Variants in PRKN observed in about 807,000 individuals in gnomAD.
The protein encoded by PRKN is parkin RBR E3 ubiquitin protein ligase.
PRKN carries 56 observed loss-of-function variants against 59.5 expected under a neutral mutation model. That is an observed-to-expected ratio of 0.94 (90% confidence interval 0.76 to 1.18). The LOEUF (loss-of-function observed/expected upper bound fraction) is 1.18. Among genes scored for constraint, PRKN ranks in the 50% most tolerant of loss-of-function variants. PRKN has a pLI of 0.00. For synonymous variants in PRKN, 250 were observed against 222.1 expected, an observed-to-expected ratio of 1.13 and a Z score of -1.12; for missense variants, 657 against 596.4, an observed-to-expected ratio of 1.10 and a Z score of -1.06.
At chr6:162,579,684 C>A (rs73035021) in intron 1 of PRKN, among the ~76,000 whole-genome samples, 15,536 of 151,670 alleles carry the variant, frequency 0.1, 927 homozygotes, top group Middle Eastern at 0.19. Flanking sequence ...CAGATTCACA[C>A]ACACATACAT....
At position 161,560,104 on chromosome 6, in the gene PRKN, A is replaced by G. The variant is rs569422485; in HGVS notation, c.933+9251T>C. Among the ~76,000 whole-genome samples, 16 of 152,184 alleles carry G rather than the reference A, an allele frequency of 1.1e-4. No individual in the cohort carries two copies. In the South Asian group the frequency reaches 1.9e-3, roughly 18 times the overall value. Reference sequence around the variant, plus strand: ...TTATCACCCAAACTGTCAGTCCCATATGGGTCCATACGTTTCCTAATATCA... The same window carrying G: ...TTATCACCCAAACTGTCAGTCCCATGTGGGTCCATACGTTTCCTAATATCA... On this transcript the variant is annotated intron_variant, in intron 8 of 11. Transcript: ENST00000366898. The surrounding 1 kb of genome is among the most constrained non-coding windows in gnomAD (Gnocchi z 4.9).
Position 162,397,011 on chromosome 6 carries a change from G to A in PRKN, c.171+46299C>T, listed in dbSNP as rs114585718. ...GTTTAGTTCCCATGGCCATAGTGGT[G>A]TTGGAGATAGTATGCAACCGAGGAC... On this transcript the variant is annotated intron_variant, in intron 2 of 11. Transcript: ENST00000366898. Among the ~76,000 whole-genome samples, 642 of 152,242 alleles carry A rather than the reference G, an allele frequency of 4.2e-3. 7 individuals carry two copies. The highest frequency in any genetic ancestry group is 0.014 in the African/African-American group (601 of 41,550).
chr6:161,885,429 C>G (rs941941159), intron 6 of PRKN, among the ~76,000 whole-genome samples: 18 of 152,168 alleles, frequency 1.2e-4, no homozygotes, highest in African/African-American at 2.4e-4. Flanking sequence ...CTTTGGGAGG[C>G]CGAGGCGGGC....
rs2128100024 is a variant in PRKN at position 162,262,564 on chromosome 6, T to C, written c.373A>G (p.Thr125Ala). 5 of 1,613,192 alleles carry C rather than the reference T, an allele frequency of 3.1e-6. No individual in the cohort carries two copies. Among genetic ancestry groups the C allele is most frequent in the Middle Eastern group, 3.3e-4 (2 of 6,062 alleles). ...DSVGLAVILH[T>A]DSRKDSPPAG... ...GGTGGTGAGTCCTTCCTGCTGTCAG[T>C]GTGCAGAATGACAGCCAGCCCCACA... Residue 125 changes from threonine (T) to alanine (A), a missense_variant, in exon 3 of 12, where the codon ACT becomes GCT. Transcript: ENST00000366898.
At chr6:162,385,693 G>C (rs1397068149) in intron 2 of PRKN, among the ~76,000 whole-genome samples, 3 of 152,040 alleles carry the variant, frequency 2.0e-5, no homozygotes, top group African/African-American at 7.2e-5. Flanking sequence ...AGACACGATG[G>C]AGTGGGAGGG....
chr6:161,818,850 G>C (rs1791900615), intron 6 of PRKN, among the ~76,000 whole-genome samples: 1 of 152,124 alleles, frequency 6.6e-6, no homozygotes, highest in Admixed American at 6.5e-5. Context: ...CTTTGAATGT[G>C]GGGTAAGATA....
intron 6 of PRKN, among the ~76,000 whole-genome samples, chr6:161,843,789 C>T (rs1001571628): frequency 6.6e-6 from 1 of 152,168 alleles, no homozygotes; most frequent in African/African-American, 2.4e-5. Flanking sequence ...GCCTCCATCT[C>T]TAAATAAATT....
At chr6:162,061,561 C>T (rs986765153) in intron 4 of PRKN, among the ~76,000 whole-genome samples, 1 of 152,136 alleles carries the variant, frequency 6.6e-6, no homozygotes, top group East Asian at 1.9e-4. Flanking sequence ...AAGCATGTAT[C>T]GCCCTCTGTC....
At chr6:161,366,918 T>A (rs1369873562) in intron 10 of PRKN, among the ~76,000 whole-genome samples, 2 of 152,130 alleles carry the variant, frequency 1.3e-5, no homozygotes, top group Non-Finnish European at 2.9e-5. Flanking sequence ...TTTGTTTTTT[T>A]TCTTGCTCAA....
chr6:161,770,524 A>G (rs567660554), intron 7 of PRKN, among the ~76,000 whole-genome samples: 26 of 151,970 alleles, frequency 1.7e-4, no homozygotes, highest in African/African-American at 5.8e-4. Context: ...CTGGAGTGCA[A>G]TGGTGCCGTC....
chr6:162,150,793 A>C (rs1782237832), intron 4 of PRKN, among the ~76,000 whole-genome samples: 1 of 152,176 alleles, frequency 6.6e-6, no homozygotes, highest in Non-Finnish European at 1.5e-5. Flanking sequence ...TGACACAGAC[A>C]GGAAATTGGA....
intron 4 of PRKN, among the ~76,000 whole-genome samples, chr6:162,161,978 T>C (rs1782776712): frequency 6.6e-6 from 1 of 152,198 alleles, no homozygotes; most frequent in African/African-American, 2.4e-5. Context: ...GTTTGTGCTC[T>C]GTATCCACAG....
At position 162,271,672 on chromosome 6, in the gene PRKN, A is replaced by G. The variant is rs569829357; in HGVS notation, c.172-8907T>C. Among the ~76,000 whole-genome samples the G allele has an allele frequency of 3.7e-4, 56 of 152,326 alleles. No individual in the cohort carries two copies. In the South Asian group the frequency reaches 0.011, roughly 30 times the overall value. On this transcript the variant is annotated intron_variant, in intron 2 of 11. Coordinates refer to ENST00000366898, the MANE Select transcript of PRKN (RefSeq NM_004562.3). ...GAGCCAGAGATGTTCACAGTAAGTC[A>G]GAATAATCAAAAAGGGAATTGTTCC...
intron 3 of PRKN, among the ~76,000 whole-genome samples, chr6:162,222,883 G>T (rs1005472169): frequency 6.6e-6 from 1 of 151,150 alleles, no homozygotes; most frequent in Non-Finnish European, 1.5e-5. Flanking sequence ...TAAGTTTTAG[G>T]GTACATGTGC....
At chr6:161,805,404 G>C (rs1791265919) in intron 6 of PRKN, among the ~76,000 whole-genome samples, 1 of 151,856 alleles carries the variant, frequency 6.6e-6, no homozygotes, top group Non-Finnish European at 1.5e-5. Flanking sequence ...ATGCCATCGA[G>C]GTCCCGCTAG....
intron 6 of PRKN, among the ~76,000 whole-genome samples, chr6:161,834,850 T>G (rs1436922246): frequency 1.3e-5 from 2 of 152,236 alleles, no homozygotes; most frequent in African/African-American, 4.8e-5. Flanking sequence ...TGCCTTGTTG[T>G]ACCATTGCCT....
rs1790364063 is a variant in PRKN at position 161,785,179 on chromosome 6, T to C, written c.871+593A>G. On this transcript the variant is annotated intron_variant, in intron 7 of 11. Transcript: ENST00000366898. ...TGAAGCCAGGCAGAGGTAGTGGTTG[T>C]GCAACATTGTGAATGCACAAAATGC... Among the ~76,000 whole-genome samples, 3 of 152,218 alleles carry C rather than the reference T, an allele frequency of 2.0e-5. No homozygotes were observed. In the South Asian group the frequency reaches 6.2e-4, roughly 31 times the overall value.
chr6:162,477,774 G>A (rs1792094960), intron 1 of PRKN, among the ~76,000 whole-genome samples: 1 of 152,142 alleles, frequency 6.6e-6, no homozygotes, highest in African/African-American at 2.4e-5. Context: ...ATAACTGCAT[G>A]TTCTCTGGGA....
chr6:162,368,425 C>T (rs938351939), intron 2 of PRKN, among the ~76,000 whole-genome samples: 2 of 152,168 alleles, frequency 1.3e-5, no homozygotes, highest in African/African-American at 2.4e-5. Flanking sequence ...CATCGACTGC[C>T]ATCAGGACAT....
Sources: allele counts gnomAD v4.1 joint callset (sites outside exome capture counted in the v4.1 genomes callset), GRCh38; gene constraint gnomAD v4.1.1; non-coding constraint Gnocchi (gnomAD v3.1); transcripts MANE v1.5; gene names NCBI Gene and HGNC (gene_info 2026-07-23, HGNC 2026-07-21).